NTRK2: variants seen among roughly 807,000 people sequenced by gnomAD.
The protein encoded by NTRK2 is neurotrophic receptor tyrosine kinase 2, also known as BDNF/NT-3 growth factors receptor.
In NTRK2, 13 loss-of-function variants were observed where a neutral mutation model predicts 94.5. The ratio of observed to expected loss-of-function variants is 0.14; its 90% CI spans 0.09 to 0.22. NTRK2 has a LOEUF of 0.22. NTRK2 is among the 10% of genes least tolerant of loss of function. The pLI, the probability that NTRK2 is intolerant of heterozygous loss-of-function variation, is 1.00. For synonymous variants in NTRK2, 372 were observed against 407.4 expected (o/e 0.91, Z 1.05); for missense variants, 639 against 1,071.2 (o/e 0.60, Z 5.63).
At chr9:84,710,852 C>A in intron 6 of NTRK2, 61 bp downstream of exon 6, 2 of 1,564,320 alleles carry the variant, frequency 1.3e-6, no homozygotes, top group Non-Finnish European at 1.8e-6. Flanking sequence ...TGCCTTGGTG[C>A]GGTAGTCTGG....
intron 2 of NTRK2, among the ~76,000 whole-genome samples, chr9:84,694,040 G>A (rs1037331770): frequency 4.6e-5 from 7 of 152,186 alleles, no homozygotes; most frequent in African/African-American, 1.7e-4. Flanking sequence ...GTGATTATTT[G>A]TAAAGGTCCA....
chr9:84,751,829 A>AGTTG (rs2064647933), intron 11 of NTRK2, among the ~76,000 whole-genome samples, 157 bp from the exon 12 acceptor site: 3 of 152,196 alleles, frequency 2.0e-5, no homozygotes, highest in Non-Finnish European at 4.4e-5. Context: ...TCGCAGATTA[A>AGTTG]GTGAGTTGGT....
chr9:84,875,656 G>A, intron 14 of NTRK2: 1 of 1,056,044 alleles, frequency 9.5e-7, no homozygotes, highest in Non-Finnish European at 1.1e-6. Context: ...AGGATACCTT[G>A]GCTGTGCAAG....
intron 12 of NTRK2, among the ~76,000 whole-genome samples, chr9:84,823,966 G>C: frequency 6.6e-6 from 1 of 152,170 alleles, no homozygotes; most frequent in Non-Finnish European, 1.5e-5. Flanking sequence ...TTTATTAAGG[G>C]TGTGCCTGGG....
At chr9:84,922,373 T>A (rs2077594287) in intron 14 of NTRK2, among the ~76,000 whole-genome samples, 1 of 152,242 alleles carries the variant, frequency 6.6e-6, no homozygotes, top group African/African-American at 2.4e-5. Flanking sequence ...CTCAAAGGAT[T>A]TGCTTCTTCT....
At chr9:84,878,186 A>G (rs1479487644) in intron 14 of NTRK2, among the ~76,000 whole-genome samples, 1 of 152,252 alleles carries the variant, frequency 6.6e-6, no homozygotes, top group Non-Finnish European at 1.5e-5. Context: ...ATACTCATGC[A>G]ACATTTTAAA....
chr9:84,797,604 A>C (rs1588664829), intron 12 of NTRK2, among the ~76,000 whole-genome samples: 1 of 80,076 alleles, frequency 1.2e-5, no homozygotes, highest in African/African-American at 5.1e-5. Context: ...ACTATATATT[A>C]TATATAATAT....
At chr9:85,010,475 A>T (rs570638431) in intron 17 of NTRK2, among the ~76,000 whole-genome samples, 1 of 152,210 alleles carries the variant, frequency 6.6e-6, no homozygotes, top group South Asian at 2.1e-4. Context: ...TGAACATTTT[A>T]AAAAGGCAGC....
Position 84,930,984 on chromosome 9 carries a change from G to A in NTRK2, c.1634-3178G>A, listed in dbSNP as rs551587248. Among the ~76,000 whole-genome samples the A allele has an allele frequency of 5.9e-5, 9 of 152,328 alleles. No homozygotes were observed. In the East Asian group the frequency reaches 1.7e-3, roughly 29 times the overall value. On this transcript the variant is annotated intron_variant, in intron 14 of 18. Coordinates refer to ENST00000277120, the MANE Select transcript of NTRK2 (RefSeq NM_006180.6). ...TAACATAGTCAAGTAGTACTTGTCT[G>A]TGGTTATCATTATTAAACATATTTT... is the stretch of plus-strand genomic sequence containing the variant.
chr9:84,852,814 A>T (rs532678771), intron 12 of NTRK2, among the ~76,000 whole-genome samples: 1 of 152,336 alleles, frequency 6.6e-6, no homozygotes, highest in East Asian at 1.9e-4. Context: ...ACAGCTTGCT[A>T]TGTTCCAGGC....
intron 12 of NTRK2, among the ~76,000 whole-genome samples, chr9:84,843,993 T>G (rs889262801): frequency 3.9e-5 from 6 of 152,092 alleles, no homozygotes. Flanking sequence ...ATATGAACAT[T>G]GAGCTACCAA....
chr9:84,815,480 G>C, intron 12 of NTRK2: 1 of 1,033,534 alleles, frequency 9.7e-7, no homozygotes, highest in Non-Finnish European at 1.2e-6. Flanking sequence ...ACCATTTGCT[G>C]TAATCCAGAG....
chr9:84,909,563 A>G (rs2077177037), intron 14 of NTRK2, among the ~76,000 whole-genome samples: 1 of 151,680 alleles, frequency 6.6e-6, no homozygotes, highest in South Asian at 2.1e-4. Context: ...TGTATGAGTG[A>G]TCCTGTTTCT....
intron 14 of NTRK2, chr9:84,876,940 T>C: frequency 9.4e-7 from 1 of 1,061,108 alleles, no homozygotes. Flanking sequence ...TCTACCTAGA[T>C]TTTTATGGAC....
chr9:84,998,088 C>A (rs1829957741), intron 17 of NTRK2, among the ~76,000 whole-genome samples: 1 of 152,220 alleles, frequency 6.6e-6, no homozygotes, highest in African/African-American at 2.4e-5. Flanking sequence ...GAAGCCTGTA[C>A]ATGCTCAGCT....
chr9:84,977,538 T>C (rs1325861263), intron 17 of NTRK2, among the ~76,000 whole-genome samples: 1 of 152,236 alleles, frequency 6.6e-6, no homozygotes, highest in African/African-American at 2.4e-5. Flanking sequence ...CTGTGCATGG[T>C]TGTGAATGAC....
At chr9:84,674,216 C>T (rs913856481) in intron 2 of NTRK2, among the ~76,000 whole-genome samples, 1 of 152,034 alleles carries the variant, frequency 6.6e-6, no homozygotes, top group Non-Finnish European at 1.5e-5. Context: ...TTTTATGTTG[C>T]ACGTGCTTTA....
In NTRK2 at chr9:84,687,861, A is replaced by G. The variant is rs2059810946; in HGVS notation, c.213-14298A>G. ...CTTTTATATGGTCTGTTTCAAGGGC[A>G]CAAACAGAGCCCCCAGTCAGATGGC... On this transcript the variant is annotated intron_variant, in intron 2 of 18. Coordinates refer to ENST00000277120, the MANE Select transcript of NTRK2 (RefSeq NM_006180.6). 5.9e-5 allele frequency among the ~76,000 whole-genome samples: 9 copies of G among 152,160 alleles called. 2 individuals are homozygous for G. In the South Asian group the frequency reaches 1.9e-3, roughly 32 times the overall value.
chr9:84,809,882 GAAA>G (rs35481612), intron 12 of NTRK2, among the ~76,000 whole-genome samples: 13,015 of 118,616 alleles, frequency 0.11, 666 homozygotes, highest in East Asian at 0.18. Context: ...ACTCTGTCTG[GAAA>G]AAAAAAAAAA....
Sources: gnomAD v4.1 joint callset for allele counts (sites outside exome capture counted in the v4.1 genomes callset) on GRCh38, gnomAD v4.1.1 for gene constraint, MANE v1.5 for transcripts, NCBI Gene and HGNC (gene_info 2026-07-23, HGNC 2026-07-21) for gene names.